Variants in GTF2F2 observed in about 807,000 individuals in gnomAD.
GTF2F2 encodes ATP-dependent helicase GTF2F2.
Under a neutral mutation model 42.2 loss-of-function variants are expected in GTF2F2, and 23 were observed. That is an observed-to-expected ratio of 0.55 (90% CI 0.39 to 0.77). The LOEUF (loss-of-function observed/expected upper bound fraction) is 0.77, where lower values mean the gene tolerates loss of function less well. Among genes scored for constraint, GTF2F2 ranks in the 30% least tolerant of loss-of-function variants. The pLI, the probability that GTF2F2 is intolerant of heterozygous loss-of-function variation, is 0.00. For missense variants in GTF2F2, 261 were observed against 287.2 expected, an observed-to-expected ratio of 0.91 and a Z score of 0.66; for synonymous variants, 105 against 100.8, an observed-to-expected ratio of 1.04 and a Z score of -0.25.
intron 7 of GTF2F2, among the ~76,000 whole-genome samples, chr13:45,279,305 C>A (rs1304658213): frequency 2.0e-5 from 3 of 152,114 alleles, no homozygotes; most frequent in Non-Finnish European, 4.4e-5. Context: ...CCTGGTAGAA[C>A]CTTTAAAACC....
rs567520689 is a variant in GTF2F2, at chr13:45,138,646, GTAT to G, written c.140+1851_140+1853del. ...ACGATTATGATGTGAGTGAAGATCA[GTAT>G]TATTATTATTTTTCGAGACAATGTC... On this transcript the variant is annotated intron_variant, in intron 2 of 7. Coordinates refer to ENST00000340473, the MANE Select transcript of GTF2F2 (RefSeq NM_004128.3). Among the ~76,000 whole-genome samples, 257 of 152,220 alleles carry G rather than the reference GTAT, an allele frequency of 1.7e-3. 1 individual carries two copies. The highest frequency in any genetic ancestry group is 5.9e-3 in the African/African-American group (244 of 41,546).
intron 4 of GTF2F2, among the ~76,000 whole-genome samples, chr13:45,190,770 G>A (rs1399821312): frequency 6.7e-6 from 1 of 148,926 alleles, no homozygotes; most frequent in Non-Finnish European, 1.5e-5. Context: ...TGTTTTTTTT[G>A]AGACAGAATC....
chr13:45,133,561 A>G (rs1869469743), intron 1 of GTF2F2, among the ~76,000 whole-genome samples: 1 of 152,162 alleles, frequency 6.6e-6, no homozygotes, highest in Non-Finnish European at 1.5e-5. Context: ...GACTTCAAGT[A>G]TTCTGTTTTA....
At chr13:45,231,212 A>G (rs530854501) in intron 5 of GTF2F2, among the ~76,000 whole-genome samples, 1 of 152,136 alleles carries the variant, frequency 6.6e-6, no homozygotes, top group Non-Finnish European at 1.5e-5. Context: ...GGTTCAAGCA[A>G]TTCTTCTCCC....
intron 6 of GTF2F2, among the ~76,000 whole-genome samples, chr13:45,264,175 G>T (rs972194768): frequency 2.1e-5 from 3 of 145,792 alleles, no homozygotes; most frequent in African/African-American, 8.0e-5. Flanking sequence ...TATATTTTTA[G>T]TCTGTTTTTC....
chr13:45,208,232 G>C (rs1873497304), intron 5 of GTF2F2, among the ~76,000 whole-genome samples: 1 of 152,060 alleles, frequency 6.6e-6, no homozygotes, highest in Admixed American at 6.6e-5. Context: ...CTGTGTTAGA[G>C]AGTTTGTTTC....
At chr13:45,210,224 G>A (rs1366305716) in intron 5 of GTF2F2, among the ~76,000 whole-genome samples, 5 of 152,170 alleles carry the variant, frequency 3.3e-5, no homozygotes, top group African/African-American at 1.2e-4. Flanking sequence ...TCCTACGACT[G>A]TCTACACCTT....
In GTF2F2 at chr13:45,283,530, G is replaced by T; in HGVS notation, c.719G>T (p.Arg240Ile). 1 of 1,612,870 alleles carries T rather than the reference G, an allele frequency of 6.2e-7. No homozygotes were observed. Among genetic ancestry groups the T allele is most frequent in the Non-Finnish European group, 8.5e-7 (1 of 1,179,308 alleles). ...KNTWELKPEY[R>I]HYQGEEKSD ...ACATGGGAGCTGAAGCCAGAGTACAGACACTATCAAGGAGAAGAAAAGAGT... is the reference window on the plus strand; with the variant it reads ...ACATGGGAGCTGAAGCCAGAGTACATACACTATCAAGGAGAAGAAAAGAGT... The change falls in exon 8 of 8, where the codon AGA (arginine) becomes ATA (isoleucine). Residue 240 changes from arginine (R) to isoleucine (I), a missense_variant. Arg to Ile is a moderately conservative substitution (Grantham distance 97). Transcript: ENST00000340473.
chr13:45,211,720 TG>T (rs917500808), intron 5 of GTF2F2, among the ~76,000 whole-genome samples: 5 of 151,952 alleles, frequency 3.3e-5, no homozygotes, highest in Non-Finnish European at 5.9e-5. Context: ...CCCAAGTAGC[TG>T]GTATTCCAGG....
chr13:45,152,230 T>A (rs1257025171), intron 4 of GTF2F2, among the ~76,000 whole-genome samples: 1 of 152,190 alleles, frequency 6.6e-6, no homozygotes, highest in Admixed American at 6.5e-5. Context: ...TTTGCTTTTT[T>A]AAGGTCATTA....
At chr13:45,236,343 A>C (rs1300580434) in intron 5 of GTF2F2, among the ~76,000 whole-genome samples, 1 of 152,194 alleles carries the variant, frequency 6.6e-6, no homozygotes, top group East Asian at 1.9e-4. Context: ...TAGAATTTGT[A>C]CTTAGGCATA....
rs12877222 is a variant in GTF2F2, at chr13:45,245,295, T to A, written c.387-7576T>A. 5.8e-4 allele frequency among the ~76,000 whole-genome samples: 80 copies of A among 139,108 alleles called. 1 individual carries two copies. Among genetic ancestry groups the A allele is most frequent in the Middle Eastern group, 3.7e-3 (1 of 268 alleles). 91.3% of individuals were successfully genotyped at this position (139,108 alleles called of 152,430 possible). On this transcript the variant is annotated intron_variant, in intron 5 of 7. Coordinates refer to ENST00000340473, the MANE Select transcript of GTF2F2 (RefSeq NM_004128.3). ...ATCTGAGCCCAGTTATTCTTTAAAA[T>A]TTTTTTTTTTTAATTTTTAGTAGGT... is the stretch of plus-strand genomic sequence containing the variant.
intron 5 of GTF2F2, among the ~76,000 whole-genome samples, chr13:45,243,619 CT>C (rs774454849): frequency 6.6e-5 from 10 of 152,126 alleles, no homozygotes; most frequent in Non-Finnish European, 1.2e-4. Flanking sequence ...AGTGGTTTTA[CT>C]GTTTTTTTTT....
chr13:45,234,514 A>G (rs1874851166), intron 5 of GTF2F2, among the ~76,000 whole-genome samples: 1 of 152,320 alleles, frequency 6.6e-6, no homozygotes, highest in South Asian at 2.1e-4. Flanking sequence ...TATATTTAGG[A>G]AAAAAACTGG....
chr13:45,225,566 C>T (rs1252433812), intron 5 of GTF2F2, among the ~76,000 whole-genome samples: 4 of 148,592 alleles, frequency 2.7e-5, no homozygotes, highest in African/African-American at 2.5e-5. Flanking sequence ...GCCCAGATAG[C>T]GCCATTGCAC....
chr13:45,267,670 C>T (rs559853782), intron 7 of GTF2F2, among the ~76,000 whole-genome samples: 7 of 151,992 alleles, frequency 4.6e-5, no homozygotes, highest in African/African-American at 1.7e-4. Context: ...ATTTTGTTTC[C>T]CTATCTTCCT....
At chr13:45,221,435 T>A (rs1874111063) in intron 5 of GTF2F2, among the ~76,000 whole-genome samples, 1 of 152,076 alleles carries the variant, frequency 6.6e-6, no homozygotes, top group African/African-American at 2.4e-5. Flanking sequence ...TATTAAAAAT[T>A]TCAAAAAGAC....
chr13:45,127,593 T>C (rs1017760780), intron 1 of GTF2F2, among the ~76,000 whole-genome samples: 1 of 151,446 alleles, frequency 6.6e-6, no homozygotes, highest in Admixed American at 6.6e-5. Context: ...CCTTCCAAAG[T>C]GCTAGAGTGT....
At position 45,267,912 on chromosome 13, in the gene GTF2F2, G is replaced by A. The variant is rs1876635473; in HGVS notation, c.630+536G>A. Among the ~76,000 whole-genome samples the A allele has an allele frequency of 2.0e-5, 3 of 151,408 alleles. No homozygotes were observed. The South Asian group carries it at 6.3e-4, about 32-fold the overall frequency. On this transcript the variant is annotated intron_variant, in intron 7 of 7. Coordinates refer to ENST00000340473, the MANE Select transcript of GTF2F2 (RefSeq NM_004128.3). ...GCTTGCAGAGATTGTGATTAGGTTG[G>A]CCTGTTCCCCATTTTTAAGGACAAA...
Sources: allele counts gnomAD v4.1 joint callset (sites outside exome capture counted in the v4.1 genomes callset), GRCh38; gene constraint gnomAD v4.1.1; transcripts MANE v1.5; gene names NCBI Gene and HGNC (gene_info 2026-07-23, HGNC 2026-07-21).